Variants in UNC5D observed in about 807,000 individuals in gnomAD.
The protein encoded by UNC5D is unc-5 netrin receptor D.
In UNC5D, 39 loss-of-function variants were observed where a neutral mutation model predicts 105.4. The observed-to-expected ratio is 0.37, with a 90% CI of 0.29 to 0.48. UNC5D has a LOEUF of 0.48. Ranked by LOEUF, UNC5D falls within the 20% of genes least tolerant of loss-of-function variation. The pLI is 0.98. For missense variants in UNC5D, 991 were observed against 1,202.4 expected (o/e 0.82, Z 2.60); for synonymous variants, 452 against 450.4 (o/e 1.00, Z -0.04).
intron 1 of UNC5D, among the ~76,000 whole-genome samples, chr8:35,357,317 C>A (rs2128914830): frequency 6.6e-6 from 1 of 152,282 alleles, no homozygotes; most frequent in Admixed American, 6.5e-5. Context: ...TTATTCTGAC[C>A]TGTTTCCTTT....
At chr8:35,400,329 T>C (rs746571626) in intron 1 of UNC5D, among the ~76,000 whole-genome samples, 5 of 152,164 alleles carry the variant, frequency 3.3e-5, no homozygotes, top group Admixed American at 6.5e-5. Flanking sequence ...ATTGTGAGTG[T>C]GTAGTTGTGT....
At chr8:35,572,930 C>T (rs1435692131) in intron 3 of UNC5D, among the ~76,000 whole-genome samples, 2 of 151,784 alleles carry the variant, frequency 1.3e-5, no homozygotes, top group Admixed American at 6.6e-5. Context: ...CAGCCTCCCA[C>T]GCAGCTGGGA....
rs930287700 is a variant in UNC5D at position 35,525,277 on chromosome 8, G to A, written c.104-24015G>A. ...CTAAAATGTTTTTCAACTATTTTGC[G>A]TACATGGCTCAGTGCACTCCCCTCT... is the stretch of plus-strand genomic sequence containing the variant. On this transcript the variant is annotated intron_variant, in intron 1 of 16. Coordinates refer to ENST00000404895, the MANE Select transcript of UNC5D (RefSeq NM_080872.4). The A allele has an allele frequency of 5.0e-6, 8 of 1,612,052 alleles. No homozygotes were observed. The African/African-American group carries it at 5.3e-5, about 11-fold the overall frequency.
intron 1 of UNC5D, among the ~76,000 whole-genome samples, chr8:35,238,016 TACTCTCTA>T (rs2128798322): frequency 6.6e-6 from 1 of 152,328 alleles, no homozygotes; most frequent in African/African-American, 2.4e-5. Context: ...AGTCTCACCA[TACTCTCTA>T]GGATTAGCCC....
rs1418807370 is a variant in UNC5D, at chr8:35,494,676, T to C, written c.104-54616T>C. ...TTCTGAAAGCTGTGCCTTGCATAAG[T>C]TGAGTCAGTGTTTGGAATATTTATT... On this transcript the variant is annotated intron_variant, in intron 1 of 16. Transcript: ENST00000404895. Among the ~76,000 whole-genome samples, 3 of 152,342 alleles carry C rather than the reference T, an allele frequency of 2.0e-5. 1 individual carries two copies. Among genetic ancestry groups the C allele is most frequent in the African/African-American group, 7.2e-5 (3 of 41,598 alleles).
At chr8:35,457,576 T>C (rs957405688) in intron 1 of UNC5D, among the ~76,000 whole-genome samples, 1 of 152,178 alleles carries the variant, frequency 6.6e-6, no homozygotes, top group African/African-American at 2.4e-5. Flanking sequence ...TGGAATATGT[T>C]CTTGTCTTTG....
intron 3 of UNC5D, among the ~76,000 whole-genome samples, chr8:35,584,392 G>GTTTGT (rs527409410): frequency 0.014 from 2,091 of 151,408 alleles, 31 homozygotes; most frequent in African/African-American, 0.041. Context: ...TTTTTTGTTT[G>GTTTGT]TTTGTTTTGT....
intron 11 of UNC5D, among the ~76,000 whole-genome samples, chr8:35,740,493 A>G (rs1829704573): frequency 6.6e-6 from 1 of 152,176 alleles, no homozygotes; most frequent in South Asian, 2.1e-4. Flanking sequence ...CTTCTGACCT[A>G]GAGAACTGTG....
chr8:35,687,817 C>T (rs1394809984), intron 7 of UNC5D, among the ~76,000 whole-genome samples: 1 of 152,114 alleles, frequency 6.6e-6, no homozygotes, highest in Non-Finnish European at 1.5e-5. Context: ...TGTTGTATGG[C>T]ACAGAGTAGG....
chr8:35,564,997 G>A lies in UNC5D; in HGVS notation c.323-3101G>A, dbSNP rs1044714685. 3.9e-5 allele frequency among the ~76,000 whole-genome samples: 6 copies of A among 151,982 alleles called. No individual in the cohort carries two copies. The South Asian group carries it at 1.0e-3, about 26-fold the overall frequency. ...TTTCTTTGTCCATTTATTTGTTGAC[G>A]GGCCCTTAGCTTGATTCCCTATCTT... On this transcript the variant is annotated intron_variant, in intron 2 of 16. Coordinates refer to ENST00000404895, the MANE Select transcript of UNC5D (RefSeq NM_080872.4).
At chr8:35,751,044 A>G (rs1270836267) in intron 13 of UNC5D, among the ~76,000 whole-genome samples, 1 of 152,134 alleles carries the variant, frequency 6.6e-6, no homozygotes, top group Non-Finnish European at 1.5e-5. Context: ...CCGGAGTTTT[A>G]TTATTACTCA....
At chr8:35,246,660 G>A (rs548108601) in intron 1 of UNC5D, among the ~76,000 whole-genome samples, 5 of 152,048 alleles carry the variant, frequency 3.3e-5, no homozygotes, top group South Asian at 2.1e-4. Flanking sequence ...TTGTTTTCAC[G>A]AAGCATCACG....
intron 4 of UNC5D, among the ~76,000 whole-genome samples, chr8:35,659,867 A>AC (rs1824007336): frequency 6.6e-6 from 1 of 152,172 alleles, no homozygotes; most frequent in Admixed American, 6.5e-5. Context: ...GCTATAAGGA[A>AC]CCCCCCTTCC....
At chr8:35,601,327 T>A (rs1586221373) in intron 4 of UNC5D, among the ~76,000 whole-genome samples, 1 of 152,328 alleles carries the variant, frequency 6.6e-6, no homozygotes, top group Non-Finnish European at 1.5e-5. Context: ...TTTTTTCCAA[T>A]TCTGTGAAGA....
chr8:35,538,581 GA>G (rs1370231383), intron 1 of UNC5D, among the ~76,000 whole-genome samples: 1 of 151,606 alleles, frequency 6.6e-6, no homozygotes, highest in Non-Finnish European at 1.5e-5. Flanking sequence ...AGGCAGAAGA[GA>G]AAAAGGATCC....
chr8:35,602,822 C>G (rs1323684088), intron 4 of UNC5D, among the ~76,000 whole-genome samples: 2 of 151,348 alleles, frequency 1.3e-5, no homozygotes, highest in South Asian at 2.1e-4. Context: ...GCTGCACCCA[C>G]TAACTCATCA....
At chr8:35,607,739 C>G (rs901101571) in intron 4 of UNC5D, among the ~76,000 whole-genome samples, 1 of 151,966 alleles carries the variant, frequency 6.6e-6, no homozygotes, top group East Asian at 1.9e-4. Flanking sequence ...ATGGGCACTT[C>G]TCCTTCCTGC....
intron 1 of UNC5D, among the ~76,000 whole-genome samples, chr8:35,504,757 G>A (rs1812198191): frequency 6.6e-6 from 1 of 152,138 alleles, no homozygotes; most frequent in South Asian, 2.1e-4. Context: ...GTAGTCTGGT[G>A]TAGAACTCAG....
At position 35,793,993 on chromosome 8, in the gene UNC5D, T is replaced by C. The variant is rs1803157730; in HGVS notation, c.*3430T>C. The C allele has an allele frequency of 6.6e-6, 1 of 152,130 alleles. No individual in the cohort carries two copies. The highest frequency in any genetic ancestry group is 2.1e-4 in the South Asian group (1 of 4,830). The allele number at this position is 152,130 out of a possible 1,614,324, so 9.4% of individuals were successfully genotyped here. The stretch of plus-strand genomic sequence containing the variant: ...AACAGGGTTCTCTTTGGATTAAAAG[T>C]TCTGGATTTATTGCAACTATTTTCC... On this transcript the variant is annotated 3_prime_UTR_variant, in exon 17 of 17. Coordinates refer to ENST00000404895, the MANE Select transcript of UNC5D (RefSeq NM_080872.4).
Sources: gnomAD v4.1 joint callset for allele counts (sites outside exome capture counted in the v4.1 genomes callset) on GRCh38, gnomAD v4.1.1 for gene constraint, MANE v1.5 for transcripts, NCBI Gene and HGNC (gene_info 2026-07-23, HGNC 2026-07-21) for gene names.